The following GRM7 variants were observed in gnomAD, a reference collection of about 807,000 sequenced individuals.
GRM7 encodes the protein metabotropic glutamate receptor 7.
In GRM7, 35 loss-of-function variants were observed where a neutral mutation model predicts 84.5. The ratio of observed to expected loss-of-function variants is 0.41; its 90% CI spans 0.32 to 0.55. GRM7 has a LOEUF of 0.55. Among genes scored for constraint, GRM7 ranks in the 20% least tolerant of loss-of-function variants. The pLI is 0.19. For synonymous variants in GRM7, 487 were observed against 455.1 expected (o/e 1.07, Z -0.89); for missense variants, 1,003 against 1,194.6 (o/e 0.84, Z 2.36).
chr3:6,896,962 A>G (rs899842097), intron 1 of GRM7, among the ~76,000 whole-genome samples: 2 of 152,142 alleles, frequency 1.3e-5, no homozygotes, highest in Non-Finnish European at 2.9e-5. Flanking sequence ...TATCATGGTT[A>G]TTTGTTTGCC....
intron 2 of GRM7, among the ~76,000 whole-genome samples, chr3:7,179,709 A>AAT (rs1011050671): frequency 6.6e-6 from 1 of 152,136 alleles, no homozygotes; most frequent in Non-Finnish European, 1.5e-5. Context: ...TGGGAGTTGT[A>AAT]ATATATATAG....
At chr3:7,614,376 C>A (rs1696985158) in intron 8 of GRM7, among the ~76,000 whole-genome samples, 1 of 152,182 alleles carries the variant, frequency 6.6e-6, no homozygotes, top group Admixed American at 6.5e-5. Flanking sequence ...CAGTCACCAT[C>A]CCTCTGTAGT....
intron 1 of GRM7, among the ~76,000 whole-genome samples, chr3:7,071,872 C>A (rs1303802381): frequency 1.3e-5 from 2 of 151,932 alleles, no homozygotes; most frequent in African/African-American, 4.8e-5. Flanking sequence ...AAACCTATAC[C>A]AGTATTATTG....
At position 6,913,564 on chromosome 3, in the gene GRM7, GT is replaced by G. The variant is rs1002027500; in HGVS notation, c.519+51659del. 3.2e-4 allele frequency among the ~76,000 whole-genome samples: 49 copies of G among 152,224 alleles called. 1 individual carries two copies. Among genetic ancestry groups the G allele is most frequent in the Middle Eastern group, 3.4e-3 (1 of 294 alleles). ...TCTTTTTCTAGTTCTTGGTTACGAA[GT>G]TCTTAACTTTCCAGTAATACTGAAT... On this transcript the variant is annotated intron_variant, in intron 1 of 9. Coordinates refer to ENST00000357716, the MANE Select transcript of GRM7 (RefSeq NM_000844.4).
At chr3:6,985,344 C>T (rs965130228) in intron 1 of GRM7, among the ~76,000 whole-genome samples, 14 of 152,040 alleles carry the variant, frequency 9.2e-5, no homozygotes, top group African/African-American at 3.4e-4. Context: ...CATTAACCAT[C>T]TTCACCCACC....
chr3:7,146,937 A>G (rs1694129469), intron 2 of GRM7, among the ~76,000 whole-genome samples: 1 of 152,172 alleles, frequency 6.6e-6, no homozygotes. Context: ...CTAATGGGTA[A>G]TAGGATAGAT....
chr3:7,097,931 A>T (rs943262461), intron 1 of GRM7, among the ~76,000 whole-genome samples: 9 of 152,086 alleles, frequency 5.9e-5, no homozygotes, highest in African/African-American at 1.9e-4. Context: ...CGTTGAGGAG[A>T]TGAGTGTCTA....
Position 7,096,715 on chromosome 3 carries a change from G to A in GRM7, c.520-49737G>A, listed in dbSNP as rs1032818429. Among the ~76,000 whole-genome samples, 15 of 152,010 alleles carry A rather than the reference G, an allele frequency of 9.9e-5. 1 individual carries two copies. The highest frequency in any genetic ancestry group is 1.9e-4 in the East Asian group (1 of 5,154). The stretch of plus-strand genomic sequence containing the variant: ...CTCAAAATTCCAATGCTCTATTCAC[G>A]GTTGTTCTTTCTGTTGACCAATCCC... On this transcript the variant is annotated intron_variant, in intron 1 of 9. Coordinates refer to ENST00000357716, the MANE Select transcript of GRM7 (RefSeq NM_000844.4).
At chr3:7,245,889 A>G (rs1297039094) in intron 2 of GRM7, among the ~76,000 whole-genome samples, 1 of 152,102 alleles carries the variant, frequency 6.6e-6, no homozygotes, top group Non-Finnish European at 1.5e-5. Context: ...GGATTTTTTT[A>G]TATGCCATTT....
intron 7 of GRM7, among the ~76,000 whole-genome samples, chr3:7,531,872 G>T (rs981109420): frequency 6.6e-6 from 1 of 152,102 alleles, no homozygotes; most frequent in Admixed American, 6.6e-5. Flanking sequence ...GGGCATCCTT[G>T]TCTTGTGCTG....
intron 2 of GRM7, among the ~76,000 whole-genome samples, chr3:7,285,774 A>T (rs1480500573): frequency 2.6e-5 from 4 of 152,076 alleles, no homozygotes; most frequent in Admixed American, 2.0e-4. Context: ...GAGGAAAAGA[A>T]GGTTCTTGGT....
chr3:7,278,101 A>G (rs1318292606), intron 2 of GRM7, among the ~76,000 whole-genome samples: 1 of 151,994 alleles, frequency 6.6e-6, no homozygotes, highest in Non-Finnish European at 1.5e-5. Context: ...AGGGAGTTTG[A>G]TTTAGTTAGC....
At chr3:7,178,766 T>C (rs1274167313) in intron 2 of GRM7, among the ~76,000 whole-genome samples, 1 of 151,938 alleles carries the variant, frequency 6.6e-6, no homozygotes, top group Non-Finnish European at 1.5e-5. Context: ...TGGGTTTGTA[T>C]GTCAAGTATG....
intron 1 of GRM7, among the ~76,000 whole-genome samples, chr3:7,027,015 T>A (rs1313277612): frequency 6.6e-6 from 1 of 152,248 alleles, no homozygotes; most frequent in African/African-American, 2.4e-5. Flanking sequence ...TGCCCTAAAA[T>A]GCCCTCCCCA....
At chr3:7,674,421 A>C (rs2125135200) in intron 8 of GRM7, among the ~76,000 whole-genome samples, 1 of 152,156 alleles carries the variant, frequency 6.6e-6, no homozygotes, top group East Asian at 1.9e-4. Flanking sequence ...TGAACTCCTG[A>C]CCTCAGGTGA....
intron 1 of GRM7, among the ~76,000 whole-genome samples, chr3:7,044,293 T>C (rs1696728123): frequency 6.6e-6 from 1 of 152,186 alleles, no homozygotes; most frequent in Non-Finnish European, 1.5e-5. Flanking sequence ...ACGGATACCT[T>C]AAGTCTATAC....
At chr3:7,002,463 T>A (rs143329015) in intron 1 of GRM7, among the ~76,000 whole-genome samples, 1 of 152,172 alleles carries the variant, frequency 6.6e-6, no homozygotes, top group East Asian at 1.9e-4. Flanking sequence ...TATATACATA[T>A]GAGAAACTTA....
At chr3:6,954,747 C>T (rs971167813) in intron 1 of GRM7, among the ~76,000 whole-genome samples, 2 of 152,142 alleles carry the variant, frequency 1.3e-5, no homozygotes, top group African/African-American at 4.8e-5. Flanking sequence ...TTCATAGAAA[C>T]ATTATCAATG....
chr3:7,531,665 C>T (rs1244662953), intron 7 of GRM7, among the ~76,000 whole-genome samples: 2 of 152,290 alleles, frequency 1.3e-5, no homozygotes, highest in East Asian at 1.9e-4. Context: ...TATCCTGAGA[C>T]TTTGCAGAAG....
Sources: allele counts gnomAD v4.1 joint callset (sites outside exome capture counted in the v4.1 genomes callset), GRCh38; gene constraint gnomAD v4.1.1; transcripts MANE v1.5; gene names NCBI Gene and HGNC (gene_info 2026-07-23, HGNC 2026-07-21).